LRRC37A2: variants seen among roughly 807,000 people sequenced by gnomAD.
The protein encoded by LRRC37A2 is leucine-rich repeat-containing protein 37A2.
LRRC37A2 carries 9 observed loss-of-function variants against 68.8 expected under a neutral mutation model. The observed-to-expected ratio is 0.13, with a 90% CI of 0.08 to 0.23. The LOEUF is 0.23. Ranked by LOEUF, LRRC37A2 falls within the 10% of genes least tolerant of loss-of-function variation. The pLI, the probability that LRRC37A2 is intolerant of heterozygous loss-of-function variation, is 1.00. For synonymous variants in LRRC37A2, 63 were observed against 367.6 expected, an observed-to-expected ratio of 0.17 and a Z score of 9.48; for missense variants, 168 against 950.4, an observed-to-expected ratio of 0.18 and a Z score of 10.82.
chr17:46,539,798 ACAACTTGAATTATGATGAG>A (rs2054971145), intron 6 of LRRC37A2, among the ~76,000 whole-genome samples: 1 of 147,774 alleles, frequency 6.8e-6, no homozygotes, highest in Non-Finnish European at 1.5e-5. Flanking sequence ...AAATAGATGA[ACAACTTGAATTATGATGAG>A]CAACTTGAAT....
the LRRC37A2 span, chr17:46,923,907 C>CG: frequency 1.8e-5 from 7 of 397,180 alleles, no homozygotes; most frequent in Non-Finnish European, 2.2e-5. Context: ...TTTTTGGGGG[C>CG]GGGGGGCAGA....
chr17:46,942,280 A>G, the LRRC37A2 span, among the ~76,000 whole-genome samples: 402 of 152,362 alleles, frequency 2.6e-3, 2 homozygotes, highest in African/African-American at 9.3e-3. Context: ...TAGGCCCTTC[A>G]TAAACAGCTT....
the LRRC37A2 span, among the ~76,000 whole-genome samples, chr17:46,928,145 A>G: frequency 2.0e-5 from 3 of 152,148 alleles, no homozygotes; most frequent in Admixed American, 6.5e-5. Context: ...CTCGGACTCT[A>G]GCAGTGATTT....
chr17:46,978,511 C>T, the LRRC37A2 span: 4 of 1,076,524 alleles, frequency 3.7e-6, 1 homozygote, highest in Non-Finnish European at 5.1e-6. Flanking sequence ...AGTCTCGCCG[C>T]GTCCCCGCCC....
At chr17:46,838,379 C>G in the LRRC37A2 span, among the ~76,000 whole-genome samples, 1 of 151,232 alleles carries the variant, frequency 6.6e-6, no homozygotes, top group Non-Finnish European at 1.5e-5. Flanking sequence ...GTAATCCCAA[C>G]TTTTTGGAAG....
At chr17:46,732,333 CT>C in the LRRC37A2 span, among the ~76,000 whole-genome samples, 1 of 152,086 alleles carries the variant, frequency 6.6e-6, no homozygotes, top group Non-Finnish European at 1.5e-5. Context: ...CAGATATTCT[CT>C]TTTCTCCTTC....
At chr17:46,903,993 T>A in the LRRC37A2 span, among the ~76,000 whole-genome samples, 1 of 150,118 alleles carries the variant, frequency 6.7e-6, no homozygotes, top group East Asian at 2.0e-4. Context: ...GCTGGCTGGC[T>A]AGGTGGATGA....
At chr17:46,832,021 G>A in the LRRC37A2 span, among the ~76,000 whole-genome samples, 1 of 152,232 alleles carries the variant, frequency 6.6e-6, no homozygotes, top group Non-Finnish European at 1.5e-5. Context: ...TAGGTGAAGG[G>A]TTGTCCATGC....
the LRRC37A2 span, among the ~76,000 whole-genome samples, chr17:46,806,235 G>C: frequency 4.5e-4 from 46 of 103,004 alleles, 1 homozygote; most frequent in African/African-American, 1.8e-3. Context: ...TTTTGAGACA[G>C]AGTTTCGCTT....
chr17:46,803,448 C>T, the LRRC37A2 span, among the ~76,000 whole-genome samples: 123 of 152,280 alleles, frequency 8.1e-4, no homozygotes, highest in Non-Finnish European at 1.3e-3. Context: ...GGAGGAGAAT[C>T]GCTTGAACCT....
chr17:46,724,507 G>A, the LRRC37A2 span, among the ~76,000 whole-genome samples: 179 of 152,226 alleles, frequency 1.2e-3, no homozygotes, highest in Non-Finnish European at 2.0e-3. Context: ...AGAAAGGGGT[G>A]TATTTCCCCT....
At chr17:46,468,410 TCA>T in the LRRC37A2 span, among the ~76,000 whole-genome samples, 53 of 18,164 alleles carry the variant, frequency 2.9e-3, 4 homozygotes, top group African/African-American at 0.011. Flanking sequence ...ATGTAAAATT[TCA>T]CAGTTTTTCA....
chr17:46,534,564 C>A (rs937566670), intron 6 of LRRC37A2, among the ~76,000 whole-genome samples: 5 of 147,722 alleles, frequency 3.4e-5, no homozygotes, highest in East Asian at 2.0e-4. Context: ...TTTCTTAGTA[C>A]AGAACAAAAT....
chr17:46,390,118 CA>C, the LRRC37A2 span, among the ~76,000 whole-genome samples: 1 of 140,298 alleles, frequency 7.1e-6, no homozygotes, highest in South Asian at 2.6e-4. Context: ...GACTTGCACA[CA>C]GGCTTCTTGC....
chr17:46,605,995 C>CAAAAAAAAAA, the LRRC37A2 span, among the ~76,000 whole-genome samples: 9 of 51,052 alleles, frequency 1.8e-4, no homozygotes, highest in Non-Finnish European at 2.3e-4. Flanking sequence ...ACTAAAAATA[C>CAAAAAAAAAA]AAAAAAAAAA....
the LRRC37A2 span, among the ~76,000 whole-genome samples, chr17:46,496,775 C>G: frequency 7.5e-6 from 1 of 132,934 alleles, no homozygotes; most frequent in East Asian, 2.1e-4. Flanking sequence ...ATTAGCCAGG[C>G]ACGGTGGCAG....
At chr17:47,037,683 A>T in the LRRC37A2 span, among the ~76,000 whole-genome samples, 1 of 152,238 alleles carries the variant, frequency 6.6e-6, no homozygotes, top group South Asian at 2.1e-4. Context: ...GAAAGACTTT[A>T]TGAAGGATTG....
the LRRC37A2 span, among the ~76,000 whole-genome samples, chr17:46,879,786 C>T: frequency 6.6e-6 from 1 of 152,244 alleles, no homozygotes; most frequent in Admixed American, 6.5e-5. Flanking sequence ...GCAGTTCCTT[C>T]CCAGGCTGTG....
At chr17:46,992,171 G>A in the LRRC37A2 span, among the ~76,000 whole-genome samples, 1 of 81,356 alleles carries the variant, frequency 1.2e-5, no homozygotes, top group East Asian at 2.5e-4. Flanking sequence ...GACCAGCCTG[G>A]CCAACATGGC....
Sources: allele counts gnomAD v4.1 joint callset (sites outside exome capture counted in the v4.1 genomes callset), GRCh38; gene constraint gnomAD v4.1.1; transcripts MANE v1.5; gene names NCBI Gene and HGNC (gene_info 2026-07-23, HGNC 2026-07-21).